Variants in USP24 observed in about 807,000 individuals in gnomAD.
USP24 encodes the protein ubiquitin specific peptidase 24, also known as ubiquitin carboxyl-terminal hydrolase 24.
In USP24, 97 loss-of-function variants were observed where a neutral mutation model predicts 361.6. The ratio of observed to expected loss-of-function variants is 0.27; its 90% CI spans 0.23 to 0.32. The LOEUF (loss-of-function observed/expected upper bound fraction) is 0.32, where lower values mean the gene tolerates loss of function less well. Among genes scored for constraint, USP24 ranks in the 10% least tolerant of loss-of-function variants. USP24 has a pLI of 1.00. For synonymous variants in USP24, 1,098 were observed against 1,124.6 expected (o/e 0.98, Z 0.47); for missense variants, 2,353 against 3,165.6 (o/e 0.74, Z 6.16).
intron 7 of USP24, among the ~76,000 whole-genome samples, chr1:55,162,560 T>C (rs1339154673): frequency 6.6e-6 from 1 of 152,148 alleles, no homozygotes; most frequent in African/African-American, 2.4e-5. Context: ...ATACATTTTT[T>C]TAAAAAAGGA....
intron 1 of USP24, among the ~76,000 whole-genome samples, chr1:55,183,203 T>C (rs928744663): frequency 6.6e-6 from 1 of 152,218 alleles, no homozygotes; most frequent in Non-Finnish European, 1.5e-5. Flanking sequence ...TGGATCAATG[T>C]TAATTTCCTG....
rs768255678 is a variant in USP24, at chr1:55,199,156, G to T, written c.324+15634C>A. Among the ~76,000 whole-genome samples the T allele has an allele frequency of 1.2e-3, 179 of 152,244 alleles. 1 individual carries two copies. The highest frequency in any genetic ancestry group is 4.2e-3 in the African/African-American group (173 of 41,566). ...ATACAAAAATTAGTCAGGCATGGTGGCGGGCACCTGTAATCCCAGCTACTT... is the reference window on the plus strand; with the variant it reads ...ATACAAAAATTAGTCAGGCATGGTGTCGGGCACCTGTAATCCCAGCTACTT... On this transcript the variant is annotated intron_variant, in intron 1 of 67. Transcript: ENST00000294383.
rs1208474100 is a variant in USP24 at position 55,214,770 on chromosome 1, C to G, written c.324+20G>C. The G allele has an allele frequency of 2.0e-5, 25 of 1,220,460 alleles. No homozygotes were observed. The highest frequency in any genetic ancestry group is 2.6e-5 in the Non-Finnish European group (25 of 970,568). The allele number at this position is 1,220,460 out of a possible 1,614,324, so 75.6% of individuals were successfully genotyped here. ...CAGCCCAGTGGCTTCCCACAGAGGT[C>G]TGGGGTTGCCCCTCCTCACCTCCGC... On this transcript the variant is annotated intron_variant, in intron 1 of 67. Transcript: ENST00000294383.
intron 52 of USP24, chr1:55,093,453 A>G (rs1038995843): frequency 6.4e-6 from 1 of 156,404 alleles, no homozygotes; most frequent in Admixed American, 6.3e-5. Context: ...CCATCCAAAA[A>G]ATGAGAATAA....
chr1:55,089,090 T>A (rs1645317319), intron 55 of USP24, among the ~76,000 whole-genome samples: 1 of 152,074 alleles, frequency 6.6e-6, no homozygotes. Context: ...GTATTTTTAG[T>A]AGAGGCGGGG....
intron 36 of USP24, among the ~76,000 whole-genome samples, chr1:55,122,647 G>A (rs1228707028): frequency 1.3e-5 from 2 of 152,144 alleles, no homozygotes; most frequent in Admixed American, 6.6e-5. Flanking sequence ...GGGGTGTTAA[G>A]GGGTAGAATC....
At chr1:55,150,492 G>C (rs528732145) in intron 16 of USP24, among the ~76,000 whole-genome samples, 1 of 152,084 alleles carries the variant, frequency 6.6e-6, no homozygotes. Context: ...GTTGCAAAAT[G>C]ACAGTAATAA....
intron 55 of USP24, among the ~76,000 whole-genome samples, chr1:55,089,290 T>C (rs1645322632): frequency 6.6e-6 from 1 of 152,164 alleles, no homozygotes; most frequent in Non-Finnish European, 1.5e-5. Flanking sequence ...TACTCTGGGA[T>C]TGTTTCTCTC....
chr1:55,072,725 T>G, intron 65 of USP24, 61 bp downstream of exon 65: 1 of 1,474,246 alleles, frequency 6.8e-7, no homozygotes, highest in East Asian at 2.5e-5. Context: ...AGATTTTTCC[T>G]GACAAGATGT....
chr1:55,128,752 G>A (rs571988180), intron 32 of USP24, among the ~76,000 whole-genome samples: 9 of 124,120 alleles, frequency 7.3e-5, no homozygotes, highest in Middle Eastern at 0.011. Flanking sequence ...ATCTTGTTCC[G>A]TTGCCAGGGT....
Position 55,101,665 on chromosome 1 carries a change from A to C in USP24, c.5064T>G (p.Phe1688Leu), listed in dbSNP as rs528040171. The C allele has an allele frequency of 1.9e-6, 3 of 1,613,146 alleles. No individual in the cohort carries two copies. The highest frequency in any genetic ancestry group is 2.5e-6 in the Non-Finnish European group (3 of 1,179,640). ...TTGCACCACCATTTCTCAGCCCCAC[A>C]AACCCTGAACTGGACCTGCTATCCA... ...PPVDSRSSSG[F>L]VGLRNGGATC... The change falls in exon 43 of 68, where the codon TTT becomes TTG. Residue 1688 changes from phenylalanine to leucine, a missense_variant. Phe to Leu is a conservative substitution (Grantham distance 22). This residue lies in a region of USP24 where 949 missense variants were observed against 1,280.5 expected (regional missense o/e 0.74). Transcript: ENST00000294383.
At chr1:55,140,265 A>AAAG (rs1357550870) in intron 24 of USP24, among the ~76,000 whole-genome samples, 42 of 152,338 alleles carry the variant, frequency 2.8e-4, no homozygotes, top group Non-Finnish European at 5.3e-4. Context: ...AGGAGTTTGG[A>AAAG]CATCCTAACC....
chr1:55,145,946 A>T (rs1339483173), intron 20 of USP24, 52 bp downstream of exon 20: 7 of 1,270,786 alleles, frequency 5.5e-6, no homozygotes, highest in African/African-American at 1.5e-5. Context: ...AGGAAAGAAT[A>T]ACACTTCTTA....
intron 55 of USP24, among the ~76,000 whole-genome samples, chr1:55,087,875 A>C (rs1319536590): frequency 6.6e-6 from 1 of 152,210 alleles, no homozygotes; most frequent in Non-Finnish European, 1.5e-5. Context: ...GAAGCCACTT[A>C]CTATGTGAAG....
intron 1 of USP24, among the ~76,000 whole-genome samples, chr1:55,201,398 T>A (rs929197812): frequency 6.6e-6 from 1 of 151,534 alleles, no homozygotes; most frequent in Admixed American, 6.6e-5. Context: ...GTCAGGAGTT[T>A]GAGACCAGCC....
In USP24 at chr1:55,083,680, A is replaced by T. The variant is rs1276323678; in HGVS notation, c.6882+92T>A. Reference sequence around the variant, plus strand: ...TTTAGGAAGAAACATCATAAAAAACATACCATATAGAACTTTACTATCCAG... The same window carrying T: ...TTTAGGAAGAAACATCATAAAAAACTTACCATATAGAACTTTACTATCCAG... On this transcript the variant is annotated intron_variant, in intron 57 of 67. Transcript: ENST00000294383. The T allele has an allele frequency of 3.7e-5, 34 of 925,610 alleles. No homozygotes were observed. The South Asian group carries it at 5.8e-4, about 16-fold the overall frequency. The allele number at this position is 925,610 out of a possible 1,614,324, so 57.3% of individuals were successfully genotyped here.
chr1:55,144,176 T>C lies in USP24; in HGVS notation c.2390A>G (p.Glu797Gly). 1 of 1,605,752 alleles carries C rather than the reference T, an allele frequency of 6.2e-7. No individual in the cohort carries two copies. Among genetic ancestry groups the C allele is most frequent in the Non-Finnish European group, 8.5e-7 (1 of 1,176,480 alleles). Residue 797 changes from glutamate to glycine, a missense_variant, in exon 21 of 68, where the codon GAA becomes GGA. This residue lies in a region of USP24 where 949 missense variants were observed against 1,280.5 expected (regional missense o/e 0.74). Coordinates refer to ENST00000294383, the MANE Select transcript of USP24 (RefSeq NM_015306.3). ...TCGATGATCACAAAGATTCACATTT[T>C]CAAAAAAAGTTTTAAATAAGTTAAA... ...NGFNLFKTFF[E>G]NVNLCDHRLK... is the part of the protein sequence containing the mutation.
intron 1 of USP24, among the ~76,000 whole-genome samples, chr1:55,189,077 C>T (rs1644217716): frequency 6.6e-6 from 1 of 151,510 alleles, no homozygotes; most frequent in South Asian, 2.1e-4. Flanking sequence ...AATGGGGCCA[C>T]CGCTTTCCAA....
chr1:55,148,096 A>C (rs1264696430), intron 17 of USP24, among the ~76,000 whole-genome samples: 1 of 152,110 alleles, frequency 6.6e-6, no homozygotes, highest in Admixed American at 6.6e-5. Context: ...ATCCTTCCCA[A>C]GTCTATACAT....
Sources: allele counts gnomAD v4.1 joint callset (sites outside exome capture counted in the v4.1 genomes callset), GRCh38; gene constraint gnomAD v4.1.1; regional missense constraint gnomAD v4.1.1; transcripts MANE v1.5; gene names NCBI Gene and HGNC (gene_info 2026-07-23, HGNC 2026-07-21).